The following BBS12 variants were observed in gnomAD, a reference collection of about 807,000 sequenced individuals.
The protein encoded by BBS12 is Bardet-Biedl syndrome 12.
A neutral mutation model predicts 5.6 loss-of-function variants in BBS12; 5 were observed. The ratio of observed to expected loss-of-function variants is 0.89; its 90% CI spans 0.46 to 1.86. The LOEUF (loss-of-function observed/expected upper bound fraction) is 1.86, where lower values mean the gene tolerates loss of function less well. Among genes scored for constraint, BBS12 ranks in the 40% most tolerant of loss-of-function variants. The pLI, the probability that BBS12 is intolerant of heterozygous loss-of-function variation, is 0.01. For missense variants in BBS12, 748 were observed against 830.4 expected (o/e 0.90, Z 1.22); for synonymous variants, 308 against 306.8 (o/e 1.00, Z -0.04).
At chr4:122,721,624 T>C in the BBS12 span, among the ~76,000 whole-genome samples, 2 of 152,162 alleles carry the variant, frequency 1.3e-5, no homozygotes, top group African/African-American at 2.4e-5. Context: ...ACTTGTCTGT[T>C]TGGTAGTTGA....
rs34652786 is a variant in BBS12 at position 122,743,149 on chromosome 4, C to G, written c.1257C>G (p.Ser419=). 1 of 1,614,174 alleles carries G rather than the reference C, an allele frequency of 6.2e-7. No homozygotes were observed. Among genetic ancestry groups the G allele is most frequent in the Non-Finnish European group, 8.5e-7 (1 of 1,180,040 alleles). Residue 419 remains serine (S), a synonymous_variant, in exon 2 of 2, where the codon TCC becomes TCG. Coordinates refer to ENST00000314218, the MANE Select transcript of BBS12 (RefSeq NM_152618.3). ...VNLVLVQGNV[S]ERLIEKCINS... ...TTGTCCTGGTACAAGGAAATGTGTC[C>G]GAACGCTTAATTGAAAAATGTATAA...
the BBS12 span, among the ~76,000 whole-genome samples, chr4:122,727,330 C>T: frequency 1.3e-5 from 2 of 151,896 alleles, no homozygotes; most frequent in African/African-American, 2.4e-5. Flanking sequence ...CTGCAAGCTC[C>T]GCCTCCCAGG....
chr4:122,730,716 A>AT (rs533566000), upstream of BBS12: 1 of 152,188 alleles, frequency 6.6e-6, no homozygotes, highest in South Asian at 2.1e-4. Context: ...ACCAAATTTT[A>AT]TTTTAAATGC....
chr4:122,718,858 A>C, the BBS12 span, among the ~76,000 whole-genome samples: 1 of 152,050 alleles, frequency 6.6e-6, no homozygotes, highest in Non-Finnish European at 1.5e-5. Context: ...TCGCTCTGTC[A>C]CCCAGGCTGG....
chr4:122,718,712 G>GTGAAATAA, the BBS12 span, among the ~76,000 whole-genome samples: 5 of 146,200 alleles, frequency 3.4e-5, no homozygotes, highest in African/African-American at 1.0e-4. Context: ...GGGATTCGAT[G>GTGAAATAA]TGAAATGAAA....
chr4:122,715,149 A>G, the BBS12 span, among the ~76,000 whole-genome samples: 33 of 151,656 alleles, frequency 2.2e-4, no homozygotes, highest in African/African-American at 6.5e-4. Context: ...GATAATATTT[A>G]CACACACACA....
In BBS12 at chr4:122,742,887, C is replaced by A. The variant is rs1301659893; in HGVS notation, c.995C>A (p.Pro332Gln). Residue 332 changes from proline to glutamine, a missense_variant, in exon 2 of 2, where the codon CCA (proline) becomes CAA (glutamine). Pro to Gln is a moderately conservative substitution (Grantham distance 76). Coordinates refer to ENST00000314218, the MANE Select transcript of BBS12 (RefSeq NM_152618.3). ...CCTGAAACTTCTTCTTGTGTTTGTC[C>A]AGGATATATCACTGTTGTGTCAGTA... Reference protein sequence around the residue: ...GLPETSSCVCPGYITVVSVSN... With the variant: ...GLPETSSCVCQGYITVVSVSN... 6.2e-7 allele frequency: 1 copy of A among 1,614,208 alleles called. No homozygotes were observed. The highest frequency in any genetic ancestry group is 8.5e-7 in the Non-Finnish European group (1 of 1,180,044).
At chr4:122,704,427 A>G in the BBS12 span, among the ~76,000 whole-genome samples, 1 of 152,244 alleles carries the variant, frequency 6.6e-6, no homozygotes, top group African/African-American at 2.4e-5. Flanking sequence ...CTGTGACCTG[A>G]CCAAGGACAA....
upstream of BBS12, chr4:122,729,683 C>T (rs1028323894): frequency 1.3e-5 from 2 of 152,230 alleles, no homozygotes; most frequent in African/African-American, 4.8e-5. Flanking sequence ...CACGGTGGCT[C>T]ACCCCTGTAA....
intron 1 of BBS12, among the ~76,000 whole-genome samples, chr4:122,737,042 T>A (rs979516351): frequency 6.6e-6 from 1 of 152,228 alleles, no homozygotes; most frequent in Non-Finnish European, 1.5e-5. Flanking sequence ...CTTTTGTATC[T>A]AGGAAACTTT....
chr4:122,737,837 G>A (rs1345704235), intron 1 of BBS12, among the ~76,000 whole-genome samples: 1 of 152,180 alleles, frequency 6.6e-6, no homozygotes, highest in Non-Finnish European at 1.5e-5. Flanking sequence ...ATAGATCAGT[G>A]GAATTGAATT....
the BBS12 span, among the ~76,000 whole-genome samples, chr4:122,709,520 A>C: frequency 2.0e-5 from 3 of 152,296 alleles, no homozygotes; most frequent in Non-Finnish European, 4.4e-5. Flanking sequence ...GATGACATGG[A>C]TTCTAATAGG....
At chr4:122,712,209 A>T in the BBS12 span, among the ~76,000 whole-genome samples, 3 of 152,310 alleles carry the variant, frequency 2.0e-5, 1 homozygote, top group South Asian at 6.2e-4. Flanking sequence ...CAGCCTCCAT[A>T]ATTGTGTGAG....
chr4:122,733,033 G>A (rs1349330620), intron 1 of BBS12, 149 bp downstream of exon 1: 2 of 152,414 alleles, frequency 1.3e-5, no homozygotes, highest in East Asian at 1.9e-4. Context: ...GGTCCAGCAT[G>A]TGGCTAGGAG....
Position 122,743,912 on chromosome 4 carries a change from C to A in BBS12, c.2020C>A (p.Arg674Ser). The change falls in exon 2 of 2, where the codon CGC (arginine) becomes AGC (serine). Residue 674 changes from arginine to serine, a missense_variant. By Grantham distance (110) the Arg-to-Ser change is moderately radical. Coordinates refer to ENST00000314218, the MANE Select transcript of BBS12 (RefSeq NM_152618.3). ...TGTTACACCAAAGATTGAGGCGTGG[C>A]GCCGAGCATTGGATTTAGTATTGTT... Reference protein sequence around the residue: ...DVVTPKIEAWRRALDLVLLVL... With the variant: ...DVVTPKIEAWSRALDLVLLVL... The A allele has an allele frequency of 6.2e-7, 1 of 1,606,558 alleles. No homozygotes were observed. Among genetic ancestry groups the A allele is most frequent in the Non-Finnish European group, 8.5e-7 (1 of 1,176,380 alleles).
At chr4:122,721,939 G>A in the BBS12 span, among the ~76,000 whole-genome samples, 762 of 152,252 alleles carry the variant, frequency 5.0e-3, 7 homozygotes, top group African/African-American at 0.018. Flanking sequence ...TTTAAAAACA[G>A]AGTTTCAACA....
At chr4:122,712,290 C>A in the BBS12 span, among the ~76,000 whole-genome samples, 510 of 152,278 alleles carry the variant, frequency 3.3e-3, 7 homozygotes, top group Non-Finnish European at 7.8e-4. Context: ...TCTGGAGAAC[C>A]TTGACTAAAA....
At chr4:122,725,081 C>A in the BBS12 span, among the ~76,000 whole-genome samples, 6 of 152,070 alleles carry the variant, frequency 3.9e-5, no homozygotes, top group Admixed American at 6.5e-5. Context: ...CAAAGCATTG[C>A]CATTTTACTG....
intron 1 of BBS12, among the ~76,000 whole-genome samples, chr4:122,733,652 G>T (rs1322004576): frequency 6.6e-6 from 1 of 152,192 alleles, no homozygotes; most frequent in Non-Finnish European, 1.5e-5. Flanking sequence ...CAGCTTAAAG[G>T]ACAGGGGAGA....
Sources: allele counts gnomAD v4.1 joint callset (sites outside exome capture counted in the v4.1 genomes callset), GRCh38; gene constraint gnomAD v4.1.1; transcripts MANE v1.5; gene names NCBI Gene and HGNC (gene_info 2026-07-23, HGNC 2026-07-21).